AVL9: variants seen among roughly 807,000 people sequenced by gnomAD.
The protein encoded by AVL9 is late secretory pathway protein AVL9 homolog.
Under a neutral mutation model 79.2 loss-of-function variants are expected in AVL9, and 49 were observed. The observed-to-expected ratio is 0.62, with a 90% CI of 0.49 to 0.79. AVL9 has a LOEUF of 0.79. Among genes scored for constraint, AVL9 ranks in the 30% least tolerant of loss-of-function variants. AVL9 has a pLI of 0.00. For missense variants in AVL9, 682 were observed against 776.8 expected (o/e 0.88, Z 1.45); for synonymous variants, 299 against 280.6 (o/e 1.07, Z -0.65).
At chr7:32,544,641 T>C in intron 2 of AVL9, 53 bp from the exon 3 acceptor site, 1 of 1,250,204 alleles carries the variant, frequency 8.0e-7, no homozygotes, top group South Asian at 1.2e-5. Context: ...TTATACTACT[T>C]ATTAATAAGG....
rs1381855084 is a variant in AVL9 at position 32,585,237 on chromosome 7, G to A, written c.*1330G>A. ...TAGAAGTATCTTAAAAGAAAAGCAA[G>A]GTGATTGTAAGTATTAAATAGAAAT... On this transcript the variant is annotated 3_prime_UTR_variant, in exon 16 of 16. Transcript: ENST00000318709. 6.6e-6 allele frequency: 1 copy of A among 152,148 alleles called. No homozygotes were observed. The highest frequency in any genetic ancestry group is 1.5e-5 in the Non-Finnish European group (1 of 68,032). The allele number at this position is 152,148 out of a possible 1,614,324, so 9.4% of individuals were successfully genotyped here. A position where few individuals can be genotyped will look rare whatever the true frequency, so the allele number is the denominator to read the frequency against.
chr7:32,561,992 C>T (rs932678298), intron 10 of AVL9, among the ~76,000 whole-genome samples: 15 of 152,218 alleles, frequency 9.9e-5, no homozygotes, highest in Non-Finnish European at 1.9e-4. Context: ...ATTAAGTTTG[C>T]TGTCTATGTG....
chr7:32,495,881 G>A, intron 1 of AVL9, 79 bp downstream of exon 1: 2 of 954,952 alleles, frequency 2.1e-6, no homozygotes, highest in East Asian at 3.3e-5. Flanking sequence ...GCTTCTGTGT[G>A]CTCAGCTCGC....
At chr7:32,501,623 C>T (rs903102476) in intron 1 of AVL9, among the ~76,000 whole-genome samples, 7 of 152,156 alleles carry the variant, frequency 4.6e-5, no homozygotes, top group East Asian at 1.9e-4. Context: ...TGTGGCTAAG[C>T]GGAGTGGGTG....
In AVL9 at chr7:32,514,857, G is replaced by A. The variant is rs188515525; in HGVS notation, c.93+19055G>A. Among the ~76,000 whole-genome samples, 47 of 152,172 alleles carry A rather than the reference G, an allele frequency of 3.1e-4. No individual in the cohort carries two copies. In the East Asian group the frequency reaches 7.2e-3, roughly 23 times the overall value. On this transcript the variant is annotated intron_variant, in intron 1 of 15. Coordinates refer to ENST00000318709, the MANE Select transcript of AVL9 (RefSeq NM_015060.3). ...CTGACTCTCTTTTCGGACTCAGCCC[G>A]CCTGCACCCAGGTGATTAAAAGCTT...
At chr7:32,580,726 T>C (rs1791457520) in intron 14 of AVL9, 76 bp from the exon 15 acceptor site, 3 of 928,706 alleles carry the variant, frequency 3.2e-6, no homozygotes, top group South Asian at 2.8e-5. Flanking sequence ...TGTGTGTGTC[T>C]ATATGTGTCT....
chr7:32,572,435 T>C (rs1334921784), intron 11 of AVL9, among the ~76,000 whole-genome samples: 2 of 134,362 alleles, frequency 1.5e-5, no homozygotes, highest in Non-Finnish European at 3.5e-5. Flanking sequence ...GAATTTCTTT[T>C]ATTATTATAC....
intron 3 of AVL9, among the ~76,000 whole-genome samples, chr7:32,545,835 A>C (rs1789470110): frequency 1.3e-5 from 2 of 152,126 alleles, no homozygotes; most frequent in African/African-American, 4.8e-5. Flanking sequence ...TCAAAAGGTC[A>C]TTAATACTCT....
chr7:32,580,083 G>C, intron 13 of AVL9, 136 bp from the exon 14 acceptor site: 1 of 659,746 alleles, frequency 1.5e-6, no homozygotes, highest in African/African-American at 1.9e-5. Flanking sequence ...CCAAAGCCAA[G>C]TTTCCCGATA....
intron 1 of AVL9, among the ~76,000 whole-genome samples, chr7:32,516,596 G>A (rs1197164188): frequency 6.6e-6 from 1 of 152,056 alleles, no homozygotes; most frequent in Non-Finnish European, 1.5e-5. Flanking sequence ...AACAAAATTA[G>A]TTTTAAAAGG....
chr7:32,580,955 T>C, intron 15 of AVL9, 65 bp downstream of exon 15: 1 of 1,152,684 alleles, frequency 8.7e-7, no homozygotes, highest in South Asian at 1.3e-5. Flanking sequence ...ATCTTTAATA[T>C]GTAATTGATA....
At chr7:32,553,602 T>G (rs1583566411) in intron 6 of AVL9, 125 bp from the exon 7 acceptor site, 1 of 668,222 alleles carries the variant, frequency 1.5e-6, no homozygotes, top group East Asian at 2.6e-5. Flanking sequence ...CAGAAATATT[T>G]GGATATTTGC....
At chr7:32,502,182 A>G (rs1787155369) in intron 1 of AVL9, among the ~76,000 whole-genome samples, 1 of 151,988 alleles carries the variant, frequency 6.6e-6, no homozygotes, top group Non-Finnish European at 1.5e-5. Flanking sequence ...TGGGCAACAT[A>G]GGGAGACCTC....
chr7:32,498,608 T>C (rs1285574656), intron 1 of AVL9, among the ~76,000 whole-genome samples: 2 of 137,276 alleles, frequency 1.5e-5, no homozygotes, highest in Admixed American at 1.4e-4. Flanking sequence ...TCACTTGATC[T>C]TTTTTTTTTT....
chr7:32,529,663 C>CCA (rs1236056764), intron 1 of AVL9, among the ~76,000 whole-genome samples: 2 of 152,098 alleles, frequency 1.3e-5, no homozygotes, highest in Non-Finnish European at 2.9e-5. Context: ...TTTCAAAGGC[C>CCA]CATGCATTTG....
intron 1 of AVL9, among the ~76,000 whole-genome samples, chr7:32,539,738 T>C (rs1789088722): frequency 6.6e-6 from 1 of 152,228 alleles, no homozygotes; most frequent in South Asian, 2.1e-4. Flanking sequence ...GAAATGGGTT[T>C]CACTGGGCTA....
intron 1 of AVL9, among the ~76,000 whole-genome samples, chr7:32,502,392 CAAAA>C (rs70992721): frequency 8.7e-6 from 1 of 114,400 alleles, no homozygotes; most frequent in African/African-American, 3.3e-5. Flanking sequence ...AACCCTTTCT[CAAAA>C]AAAAAAAAAA....
At chr7:32,539,944 A>T (rs1789099954) in intron 1 of AVL9, among the ~76,000 whole-genome samples, 3 of 152,174 alleles carry the variant, frequency 2.0e-5, no homozygotes, top group African/African-American at 7.2e-5. Flanking sequence ...GGACTCTGTG[A>T]TTACACTTTA....
intron 12 of AVL9, 23 bp downstream of exon 12, chr7:32,573,441 C>A: frequency 6.4e-7 from 1 of 1,573,404 alleles, no homozygotes; most frequent in Non-Finnish European, 8.7e-7. Context: ...ACGGAGCCTA[C>A]AGCTACCTGT....
Sources: allele counts gnomAD v4.1 joint callset (sites outside exome capture counted in the v4.1 genomes callset), GRCh38; gene constraint gnomAD v4.1.1; transcripts MANE v1.5; gene names NCBI Gene and HGNC (gene_info 2026-07-23, HGNC 2026-07-21).